Variants in MED1 observed in about 807,000 individuals in gnomAD.
MED1 encodes the protein mediator of RNA polymerase II transcription subunit 1.
A neutral mutation model predicts 121.3 loss-of-function variants in MED1; 17 were observed. The observed-to-expected ratio is 0.14, with a 90% confidence interval of 0.10 to 0.21. The LOEUF (loss-of-function observed/expected upper bound fraction) is 0.21, where lower values mean the gene tolerates loss of function less well. Among genes scored for constraint, MED1 ranks in the 10% least tolerant of loss-of-function variants. The pLI, the probability that MED1 is intolerant of heterozygous loss-of-function variation, is 1.00. For missense variants in MED1, 1,558 were observed against 1,919.4 expected, an observed-to-expected ratio of 0.81 and a Z score of 3.52; for synonymous variants, 661 against 694.4, an observed-to-expected ratio of 0.95 and a Z score of 0.76.
In MED1 at chr17:39,407,041, G is replaced by C. The variant is rs1489020591; in HGVS notation, c.*434C>G. 9.1e-6 allele frequency: 9 copies of C among 987,968 alleles called. No individual in the cohort carries two copies. The South Asian group carries it at 2.8e-4, about 31-fold the overall frequency. 61.2% of individuals were successfully genotyped at this position (987,968 alleles called of 1,614,324 possible). A position where few individuals can be genotyped will look rare whatever the true frequency, so the allele number is the denominator to read the frequency against. ...AAAGTTGAACAACCTTCATGCAAAT[G>C]CATCAAGGAATGTATTGCTTTTTCA... On this transcript the variant is annotated 3_prime_UTR_variant, in exon 17 of 17. Coordinates refer to ENST00000300651, the MANE Select transcript of MED1 (RefSeq NM_004774.4).
At chr17:39,438,943 C>T (rs1199424361) in intron 6 of MED1, among the ~76,000 whole-genome samples, 1 of 152,078 alleles carries the variant, frequency 6.6e-6, no homozygotes. Flanking sequence ...AGCAAGACTC[C>T]ATCTCAAAAC....
In MED1 at chr17:39,440,061, GAA is replaced by G. The variant is rs548623248; in HGVS notation, c.399+323_399+324del. Among the ~76,000 whole-genome samples, 26 of 143,096 alleles carry G rather than the reference GAA, an allele frequency of 1.8e-4. No individual in the cohort carries two copies. The highest frequency in any genetic ancestry group is 3.5e-4 in the Non-Finnish European group (23 of 64,920). 93.9% of individuals were successfully genotyped at this position (143,096 alleles called of 152,430 possible). On this transcript the variant is annotated intron_variant, in intron 5 of 16. Transcript: ENST00000300651. The surrounding 1 kb of genome is among the most constrained non-coding windows in gnomAD (Gnocchi z 4.1). The stretch of plus-strand genomic sequence containing the variant: ...GAGAAAGAGAAAGAAAGAAAAGAAA[GAA>G]AAGAAAAAGAAAGCAAGCAAGCAAG...
chr17:39,420,791 A>AT (rs71147330), intron 13 of MED1, among the ~76,000 whole-genome samples: 74,562 of 109,886 alleles, frequency 0.68, 26,599 homozygotes, highest in South Asian at 0.89. Context: ...ACATGTGCCT[A>AT]TTTTTTTTTT....
rs748402789 is a variant in MED1 at position 39,409,732 on chromosome 17, T to C, written c.2489A>G (p.Asn830Ser). 36 of 1,614,062 alleles carry C rather than the reference T, an allele frequency of 2.2e-5. No individual in the cohort carries two copies. Among genetic ancestry groups the C allele is most frequent in the East Asian group, 4.5e-5 (2 of 44,900 alleles). ...LFDSDVFQTN[N>S]NENPYTDPAD... ...TGGATCAGTGTATGGATTTTCATTA[T>C]TGTTAGTTTGAAAGACATCAGAGTC... The change falls in exon 17 of 17, where the codon AAT becomes AGT. Residue 830 changes from asparagine to serine, a missense_variant. By Grantham distance (46) the Asn-to-Ser change is conservative. Transcript: ENST00000300651.
In MED1 at chr17:39,405,636, T is replaced by C; in HGVS notation, c.*1839A>G. Reference sequence around the variant, plus strand: ...CTTAGTGTCACCCAAGACATTTGACTCTGATGTGGTTAATTGATAACTTTT... The same window carrying C: ...CTTAGTGTCACCCAAGACATTTGACCCTGATGTGGTTAATTGATAACTTTT... On this transcript the variant is annotated 3_prime_UTR_variant, in exon 17 of 17. Transcript: ENST00000300651. 2 of 1,078,702 alleles carry C rather than the reference T, an allele frequency of 1.9e-6. No homozygotes were observed. The highest frequency in any genetic ancestry group is 2.2e-6 in the Non-Finnish European group (2 of 889,258). 66.8% of individuals were successfully genotyped at this position (1,078,702 alleles called of 1,614,324 possible).
rs143465125 is a variant in MED1, at chr17:39,419,962, T to C, written c.1096-44A>G. 4.0e-3 allele frequency: 6,169 copies of C among 1,560,080 alleles called. 182 individuals are homozygous for C. The highest frequency in any genetic ancestry group is 0.011 in the East Asian group (471 of 44,480). ...TAACGAGTGCTATTTAGTTACCTAT[T>C]GTATTCCAACCACAAAGTATCCTGA... is the stretch of plus-strand genomic sequence containing the variant. On this transcript the variant is annotated intron_variant, in intron 13 of 16. Coordinates refer to ENST00000300651, the MANE Select transcript of MED1 (RefSeq NM_004774.4).
intron 14 of MED1, among the ~76,000 whole-genome samples, chr17:39,418,205 C>T (rs1313678001): frequency 6.6e-6 from 1 of 150,700 alleles, no homozygotes; most frequent in Non-Finnish European, 1.5e-5. Context: ...AGAAAACATA[C>T]TCAGAACTAA....
Position 39,415,349 on chromosome 17 carries a change from A to C in MED1, c.1298-10T>G. Reference sequence around the variant, plus strand: ...AGAAGCCCAGGAGAATCTAAAAGGCAAAGAGAAAGATCATAAAACAACCAA... The same window carrying C: ...AGAAGCCCAGGAGAATCTAAAAGGCCAAGAGAAAGATCATAAAACAACCAA... On this transcript the variant is annotated splice_polypyrimidine_tract_variant and intron_variant, in intron 14 of 16. Coordinates refer to ENST00000300651, the MANE Select transcript of MED1 (RefSeq NM_004774.4). 1 of 1,599,320 alleles carries C rather than the reference A, an allele frequency of 6.3e-7. No homozygotes were observed. Among genetic ancestry groups the C allele is most frequent in the Non-Finnish European group, 8.6e-7 (1 of 1,167,780 alleles).
At position 39,407,909 on chromosome 17, in the gene MED1, C is replaced by T. The variant is rs2048318556; in HGVS notation, c.4312G>A (p.Gly1438Ser). 3 of 1,614,120 alleles carry T rather than the reference C, an allele frequency of 1.9e-6. No homozygotes were observed. The highest frequency in any genetic ancestry group is 2.5e-6 in the Non-Finnish European group (3 of 1,180,038). The change falls in exon 17 of 17, where the codon GGT becomes AGT. Residue 1438 changes from glycine to serine, a missense_variant. Gly to Ser is a moderately conservative substitution (Grantham distance 56, BLOSUM62 0). Around this residue, in one of 5 missense-constraint regions of MED1, gnomAD observed 264 missense variants for 326.1 expected, o/e 0.81. Coordinates refer to ENST00000300651, the MANE Select transcript of MED1 (RefSeq NM_004774.4). ...SKNYGSPLIS[G>S]STPKHERGSP... Reference sequence around the variant, plus strand: ...CCACGCTCATGCTTTGGAGTGGAACCACTGATGAGTGGAGAGCCATAGTTT... The same window carrying T: ...CCACGCTCATGCTTTGGAGTGGAACTACTGATGAGTGGAGAGCCATAGTTT...
intron 6 of MED1, among the ~76,000 whole-genome samples, chr17:39,436,010 T>A (rs1254637124): frequency 1.3e-5 from 2 of 151,838 alleles, no homozygotes; most frequent in South Asian, 4.1e-4. Context: ...AGGGGGAGGT[T>A]GCAGTGAGCC....
chr17:39,450,956 TG>T, intron 1 of MED1, 81 bp downstream of exon 1: 1 of 1,316,218 alleles, frequency 7.6e-7, no homozygotes, highest in Non-Finnish European at 1.1e-6. Flanking sequence ...GTGGCCCCCA[TG>T]GGACATCTGC....
chr17:39,412,575 G>A (rs1407729681), intron 16 of MED1, among the ~76,000 whole-genome samples: 1 of 132,696 alleles, frequency 7.5e-6, no homozygotes, highest in Admixed American at 8.6e-5. Context: ...GTCTCGCTCT[G>A]TTATCCAGGC....
chr17:39,411,287 C>A lies in MED1; in HGVS notation c.1500-566G>T, dbSNP rs781311635. Reference sequence around the variant, plus strand: ...TGCACTGAGATCACACCACTGCACTCCAGCTTGGCAACAGAGTGAGACTCC... The same window carrying A: ...TGCACTGAGATCACACCACTGCACTACAGCTTGGCAACAGAGTGAGACTCC... On this transcript the variant is annotated intron_variant, in intron 16 of 16. Transcript: ENST00000300651. Among the ~76,000 whole-genome samples the A allele has an allele frequency of 3.3e-5, 5 of 151,700 alleles. No individual in the cohort carries two copies. The South Asian group carries it at 8.3e-4, about 25-fold the overall frequency.
rs73294997 is a variant in MED1 at position 39,447,900 on chromosome 17, T to A, written c.30A>T (p.Ser10=). Residue 10 remains serine (S), a synonymous_variant, in exon 2 of 17, where the codon TCA becomes TCT. Coordinates refer to ENST00000300651, the MANE Select transcript of MED1 (RefSeq NM_004774.4). ...GAGAACTCATCTTACTCAGCTTTTCTGACTCTATGATTTAAATCAGAAAAC... is the reference window on the plus strand; with the variant it reads ...GAGAACTCATCTTACTCAGCTTTTCAGACTCTATGATTTAAATCAGAAAAC... MKAQGETEE[S]EKLSKMSSLL... The A allele has an allele frequency of 0.017, 28,036 of 1,607,022 alleles. 471 individuals are homozygous for A. The highest frequency in any genetic ancestry group is 0.073 in the African/African-American group (5,425 of 74,810).
In MED1 at chr17:39,409,443, G is replaced by A. The variant is rs777090508; in HGVS notation, c.2778C>T (p.Ala926=). The A allele has an allele frequency of 8.1e-6, 13 of 1,614,034 alleles. No individual in the cohort carries two copies. The highest frequency in any genetic ancestry group is 4.5e-5 in the East Asian group (2 of 44,884). Residue 926 remains alanine, a synonymous_variant, in exon 17 of 17, where the codon GCC becomes GCT. Coordinates refer to ENST00000300651, the MANE Select transcript of MED1 (RefSeq NM_004774.4). Reference sequence around the variant, plus strand: ...AAATAATACTGAAATCAACTGTGTCGGCTTGGTTATTGCCCTTAAACTTGG... The same window carrying A: ...AAATAATACTGAAATCAACTGTGTCAGCTTGGTTATTGCCCTTAAACTTGG... The part of the protein sequence containing the change: ...GETKFKGNNQ[A]DTVDFSIISV...
intron 3 of MED1, among the ~76,000 whole-genome samples, chr17:39,442,946 G>A (rs1440072873): frequency 8.9e-5 from 12 of 134,414 alleles, no homozygotes; most frequent in Non-Finnish European, 1.3e-4. Context: ...TCTTCTTATC[G>A]AGATTAATCA....
chr17:39,420,348 C>G (rs191763032), intron 13 of MED1, among the ~76,000 whole-genome samples: 2 of 151,716 alleles, frequency 1.3e-5, no homozygotes, highest in Admixed American at 6.6e-5. Flanking sequence ...TATAGGCACC[C>G]GCCACCACGC....
In MED1 at chr17:39,409,631, C is replaced by T. The variant is rs1274540999; in HGVS notation, c.2590G>A (p.Asp864Asn). The T allele has an allele frequency of 6.2e-7, 1 of 1,613,982 alleles. No homozygotes were observed. The highest frequency in any genetic ancestry group is 8.5e-7 in the Non-Finnish European group (1 of 1,180,028). ...CTGTTCAATAAATCAGGATTGAAAT[C>T]TACTCCATCATGAAAAAAATGATTG... ...PTNHFFHDGV[D>N]FNPDLLNSQS... Residue 864 changes from aspartate (D) to asparagine (N), a missense_variant, in exon 17 of 17, where the codon GAT becomes AAT. Asp to Asn is a conservative substitution (Grantham distance 23, BLOSUM62 1). Around this residue, in one of 5 missense-constraint regions of MED1, gnomAD observed 793 missense variants for 898.2 expected, o/e 0.88. Transcript: ENST00000300651.
rs182236453 is a variant in MED1 at position 39,438,960 on chromosome 17, G to A, written c.428+205C>T. On this transcript the variant is annotated intron_variant, in intron 6 of 16. Coordinates refer to ENST00000300651, the MANE Select transcript of MED1 (RefSeq NM_004774.4). ...CAAGACTCCATCTCAAAACAAAAAC[G>A]AAAACAAAAAAACCCTGGGATAGAG... is the stretch of plus-strand genomic sequence containing the variant. Among the ~76,000 whole-genome samples, 199 of 152,150 alleles carry A rather than the reference G, an allele frequency of 1.3e-3. 2 individuals are homozygous for A. In the Middle Eastern group the frequency reaches 0.021, roughly 16 times the overall value.
Sources: gnomAD v4.1 joint callset for allele counts (sites outside exome capture counted in the v4.1 genomes callset) on GRCh38, gnomAD v4.1.1 for gene constraint, gnomAD v4.1.1 regional missense constraint, Gnocchi (gnomAD v3.1) non-coding constraint, MANE v1.5 for transcripts, NCBI Gene and HGNC (gene_info 2026-07-23, HGNC 2026-07-21) for gene names.